The following XYLT1 variants were observed in gnomAD, a reference collection of about 807,000 sequenced individuals.
XYLT1 encodes the protein xylosyltransferase 1.
A neutral mutation model predicts 91.3 loss-of-function variants in XYLT1; 36 were observed. The ratio of observed to expected loss-of-function variants is 0.39; its 90% confidence interval spans 0.30 to 0.52. The LOEUF is 0.52. XYLT1 is among the 20% of genes least tolerant of loss of function. The pLI is 0.68. For synonymous variants in XYLT1, 588 were observed against 532.0 expected (o/e 1.11, Z -1.45); for missense variants, 1,242 against 1,284.5 (o/e 0.97, Z 0.51).
intron 1 of XYLT1, among the ~76,000 whole-genome samples, chr16:17,448,358 ACT>A (rs1393721552): frequency 2.0e-5 from 3 of 152,024 alleles, no homozygotes; most frequent in Non-Finnish European, 4.4e-5. Flanking sequence ...ACAGAGCAAG[ACT>A]CTGTCTCAAA....
chr16:17,239,646 G>A (rs995751531), intron 3 of XYLT1, among the ~76,000 whole-genome samples: 1 of 139,704 alleles, frequency 7.2e-6, no homozygotes, highest in Non-Finnish European at 1.5e-5. Context: ...CCACTCATCC[G>A]CCCAGCCCAT....
chr16:17,379,508 C>T (rs573871409), intron 1 of XYLT1, among the ~76,000 whole-genome samples: 17 of 152,158 alleles, frequency 1.1e-4, no homozygotes, highest in African/African-American at 3.6e-4. Context: ...CCGGAGGATG[C>T]GGGAGAGAAA....
At chr16:17,367,130 G>C (rs548936176) in intron 1 of XYLT1, among the ~76,000 whole-genome samples, 4 of 152,286 alleles carry the variant, frequency 2.6e-5, no homozygotes, top group African/African-American at 9.6e-5. Flanking sequence ...TGTTCTACCA[G>C]AGCCCGGCTC....
At chr16:17,235,773 C>T (rs2125197) in intron 3 of XYLT1, among the ~76,000 whole-genome samples, 1 of 152,164 alleles carries the variant, frequency 6.6e-6, no homozygotes. Flanking sequence ...CCTTGAGTGT[C>T]CTCCAAGTAA....
chr16:17,135,289 C>T (rs1026004145), intron 8 of XYLT1, among the ~76,000 whole-genome samples: 2 of 152,156 alleles, frequency 1.3e-5, no homozygotes, highest in Non-Finnish European at 1.5e-5. Flanking sequence ...TCACTGCAGT[C>T]TCCACCATGC....
intron 3 of XYLT1, among the ~76,000 whole-genome samples, chr16:17,222,108 C>T (rs1032011589): frequency 1.3e-5 from 2 of 152,182 alleles, no homozygotes; most frequent in Admixed American, 1.3e-4. Flanking sequence ...CACTCACGTT[C>T]CTCTGAGGGA....
chr16:17,136,996 A>G (rs570244439), intron 8 of XYLT1, among the ~76,000 whole-genome samples: 1 of 152,236 alleles, frequency 6.6e-6, no homozygotes, highest in South Asian at 2.1e-4. Context: ...AATTCATTGA[A>G]TAGGTCAAAC....
intron 2 of XYLT1, among the ~76,000 whole-genome samples, chr16:17,320,824 A>T (rs1426465016): frequency 1.7e-5 from 2 of 117,176 alleles, no homozygotes; most frequent in African/African-American, 3.9e-5. Context: ...AGGTTTTCTT[A>T]CCACGGAAAT....
At chr16:17,194,309 C>T (rs1022587921) in intron 5 of XYLT1, 1 of 152,238 alleles carries the variant, frequency 6.6e-6, no homozygotes, top group Non-Finnish European at 1.5e-5. Flanking sequence ...TGCAGGCACT[C>T]ACCCTCCCGG....
chr16:17,138,207 T>TAATGAGTCAATGTG, intron 8 of XYLT1, 148 bp downstream of exon 8: 3 of 865,104 alleles, frequency 3.5e-6, no homozygotes, highest in Non-Finnish European at 5.1e-6. Flanking sequence ...CACTGGCTAT[T>TAATGAGTCAATGTG]GTTGATACTG....
intron 1 of XYLT1, among the ~76,000 whole-genome samples, chr16:17,431,229 T>C (rs2036385943): frequency 6.6e-6 from 1 of 152,174 alleles, no homozygotes; most frequent in Non-Finnish European, 1.5e-5. Flanking sequence ...ACTGGATGTG[T>C]CCTTCAAGGC....
chr16:17,198,270 T>C lies in XYLT1; in HGVS notation c.1231A>G (p.Met411Val). Residue 411 changes from methionine to valine, a missense_variant, in exon 5 of 12, where the codon ATG becomes GTG. By Grantham distance (21) the Met-to-Val change is conservative (BLOSUM62 1). Around this residue, in one of 3 missense-constraint regions of XYLT1, gnomAD observed 294 missense variants for 376.0 expected, o/e 0.78. Coordinates refer to ENST00000261381, the MANE Select transcript of XYLT1 (RefSeq NM_022166.4). ...YLQSMRDLLE[M>V]TDWPWDFFIN... ...AAGAAGTCCCAGGGCCAGTCGGTCATCTCCAGGAGGTCCCGCATGCTCTGC... is the reference window on the plus strand; with the variant it reads ...AAGAAGTCCCAGGGCCAGTCGGTCACCTCCAGGAGGTCCCGCATGCTCTGC... 6.2e-7 allele frequency: 1 copy of C among 1,614,166 alleles called. No homozygotes were observed. Among genetic ancestry groups the C allele is most frequent in the Non-Finnish European group, 8.5e-7 (1 of 1,180,016 alleles).
At chr16:17,426,216 A>G (rs2036316901) in intron 1 of XYLT1, among the ~76,000 whole-genome samples, 1 of 152,194 alleles carries the variant, frequency 6.6e-6, no homozygotes, top group African/African-American at 2.4e-5. Flanking sequence ...CATACAAATA[A>G]ACAAGATTAT....
chr16:17,221,758 C>A (rs568386217), intron 3 of XYLT1, among the ~76,000 whole-genome samples: 2 of 152,168 alleles, frequency 1.3e-5, no homozygotes, highest in Admixed American at 6.5e-5. Flanking sequence ...ATAAAAAGAA[C>A]AGGTTTCAGA....
intron 2 of XYLT1, among the ~76,000 whole-genome samples, chr16:17,278,764 G>C (rs535266639): frequency 6.6e-6 from 1 of 152,288 alleles, no homozygotes; most frequent in South Asian, 2.1e-4. Flanking sequence ...GCACAGAAAG[G>C]GGGTTACATG....
In XYLT1 at chr16:17,123,946, T is replaced by C. The variant is rs146999517; in HGVS notation, c.2223+3720A>G. On this transcript the variant is annotated intron_variant, in intron 10 of 11. Coordinates refer to ENST00000261381, the MANE Select transcript of XYLT1 (RefSeq NM_022166.4). Reference sequence around the variant, plus strand: ...AAAGTTTTGTTTTGTCTGGTAAGAATTGCTACTCCTGCTCACTTTTGGTGT... The same window carrying C: ...AAAGTTTTGTTTTGTCTGGTAAGAACTGCTACTCCTGCTCACTTTTGGTGT... 9.7e-4 allele frequency among the ~76,000 whole-genome samples: 148 copies of C among 152,330 alleles called. 2 individuals carry two copies. Among genetic ancestry groups the C allele is most frequent in the African/African-American group, 3.2e-3 (134 of 41,580 alleles).
chr16:17,289,669 A>G (rs1373032723), intron 2 of XYLT1, among the ~76,000 whole-genome samples: 2 of 152,246 alleles, frequency 1.3e-5, no homozygotes, highest in African/African-American at 4.8e-5. Flanking sequence ...GAGAATGCAA[A>G]TGACTCCTAT....
At chr16:17,134,262 T>C (rs757346069) in intron 9 of XYLT1, among the ~76,000 whole-genome samples, 3 of 152,180 alleles carry the variant, frequency 2.0e-5, no homozygotes, top group Non-Finnish European at 2.9e-5. Flanking sequence ...ATAGGATATC[T>C]GGTATCTGAG....
At chr16:17,462,472 G>GAGC (rs2036836323) in intron 1 of XYLT1, among the ~76,000 whole-genome samples, 1 of 152,198 alleles carries the variant, frequency 6.6e-6, no homozygotes, top group Admixed American at 6.5e-5. Context: ...CGAACCCAGA[G>GAGC]AGCACATGGG....
Sources: gnomAD v4.1 joint callset for allele counts (sites outside exome capture counted in the v4.1 genomes callset) on GRCh38, gnomAD v4.1.1 for gene constraint, gnomAD v4.1.1 regional missense constraint, MANE v1.5 for transcripts, NCBI Gene and HGNC (gene_info 2026-07-23, HGNC 2026-07-21) for gene names.